Variants in TBL1XR1 observed in about 807,000 individuals in gnomAD.
TBL1XR1 encodes F-box-like/WD repeat-containing protein TBL1XR1.
Under a neutral mutation model 66.9 loss-of-function variants are expected in TBL1XR1, and 5 were observed. The observed-to-expected ratio is 0.07, with a 90% CI of 0.04 to 0.16. TBL1XR1 has a LOEUF of 0.16. Among genes scored for constraint, TBL1XR1 ranks in the 10% least tolerant of loss-of-function variants. TBL1XR1 has a pLI of 1.00. For synonymous variants in TBL1XR1, 210 were observed against 206.0 expected, an observed-to-expected ratio of 1.02 and a Z score of -0.17; for missense variants, 238 against 623.2, an observed-to-expected ratio of 0.38 and a Z score of 6.58.
chr3:177,052,907 A>G (rs1717291082), intron 4 of TBL1XR1, among the ~76,000 whole-genome samples: 1 of 152,088 alleles, frequency 6.6e-6, no homozygotes, highest in African/African-American at 2.4e-5. Context: ...AGTCAAGACC[A>G]GCCTGGCCAA....
intron 1 of TBL1XR1, among the ~76,000 whole-genome samples, chr3:177,101,687 A>G (rs577472447): frequency 1.3e-5 from 2 of 152,326 alleles, no homozygotes; most frequent in South Asian, 2.1e-4. Flanking sequence ...CTCTGGAACT[A>G]TAAGAAATCA....
intron 1 of TBL1XR1, among the ~76,000 whole-genome samples, chr3:177,176,417 G>A (rs1203212594): frequency 1.3e-5 from 2 of 151,384 alleles, no homozygotes; most frequent in South Asian, 2.1e-4. Flanking sequence ...GGCTGGTCTC[G>A]AACTCCTGAC....
At chr3:177,027,384 C>T (rs1447097394) in intron 14 of TBL1XR1, 4 of 152,182 alleles carry the variant, frequency 2.6e-5, no homozygotes, top group Non-Finnish European at 4.4e-5. Context: ...ATTCATTAAG[C>T]TGAATCATAA....
intron 10 of TBL1XR1, among the ~76,000 whole-genome samples, chr3:177,039,778 G>A (rs193197639): frequency 1.6e-4 from 25 of 152,296 alleles, no homozygotes; most frequent in Non-Finnish European, 2.9e-4. Flanking sequence ...AATGGGGGAG[G>A]AGGGGATCAA....
At chr3:177,041,145 G>T (rs2108449451) in intron 10 of TBL1XR1, 1 of 152,270 alleles carries the variant, frequency 6.6e-6, no homozygotes, top group South Asian at 2.1e-4. Flanking sequence ...GCTTTAGCTG[G>T]TGTTTGCTCT....
chr3:177,142,586 G>A (rs573010959), intron 1 of TBL1XR1, among the ~76,000 whole-genome samples: 30 of 152,162 alleles, frequency 2.0e-4, no homozygotes, highest in Admixed American at 3.9e-4. Flanking sequence ...GTCAAGTCCC[G>A]TCTCCTACCT....
chr3:177,198,893 C>CAT (rs372499451), upstream of TBL1XR1, among the ~76,000 whole-genome samples: 1 of 150,738 alleles, frequency 6.6e-6, no homozygotes, highest in Non-Finnish European at 1.5e-5. Context: ...CACACACACA[C>CAT]ACACACACAC....
At chr3:177,025,753 G>C (rs940126672) in intron 15 of TBL1XR1, among the ~76,000 whole-genome samples, 1 of 152,190 alleles carries the variant, frequency 6.6e-6, no homozygotes, top group Middle Eastern at 3.4e-3. Context: ...ACCACGGCTA[G>C]GATTTTTATA....
chr3:177,106,568 C>G (rs1054004290), intron 1 of TBL1XR1, among the ~76,000 whole-genome samples: 9 of 152,190 alleles, frequency 5.9e-5, no homozygotes, highest in African/African-American at 2.2e-4. Context: ...CTGGCTCTGA[C>G]TCTTAGTAAC....
chr3:177,069,747 A>G (rs1719639572), intron 2 of TBL1XR1, among the ~76,000 whole-genome samples: 1 of 148,024 alleles, frequency 6.8e-6, no homozygotes, highest in Admixed American at 6.9e-5. Flanking sequence ...GAAAGAAAAG[A>G]AAGAAAGGAA....
chr3:177,051,987 G>T (rs190486948), intron 4 of TBL1XR1, among the ~76,000 whole-genome samples: 2 of 152,226 alleles, frequency 1.3e-5, no homozygotes, highest in Non-Finnish European at 2.9e-5. Context: ...AAATGAAAGA[G>T]ATAATAAGAT....
chr3:177,181,243 G>A (rs1294939337), intron 1 of TBL1XR1, among the ~76,000 whole-genome samples: 1 of 152,070 alleles, frequency 6.6e-6, no homozygotes, highest in Non-Finnish European at 1.5e-5. Flanking sequence ...ACTCTGGGAG[G>A]CCACGGTGGG....
chr3:177,060,884 AATC>A (rs1242152269), intron 3 of TBL1XR1, among the ~76,000 whole-genome samples: 2 of 152,272 alleles, frequency 1.3e-5, no homozygotes, highest in Non-Finnish European at 2.9e-5. Context: ...AATACTTTTG[AATC>A]AAGTTAATCG....
chr3:177,088,011 T>C (rs1240107455), intron 2 of TBL1XR1, among the ~76,000 whole-genome samples: 1 of 152,236 alleles, frequency 6.6e-6, no homozygotes, highest in Non-Finnish European at 1.5e-5. Flanking sequence ...ATTGTGGGTA[T>C]ATGTCCTTGC....
chr3:177,095,427 CA>C (rs746860458), intron 2 of TBL1XR1, among the ~76,000 whole-genome samples: 12 of 150,552 alleles, frequency 8.0e-5, no homozygotes, highest in African/African-American at 2.9e-4. Context: ...GAGATAATTA[CA>C]AAAAAGTATT....
intron 10 of TBL1XR1, chr3:177,044,897 G>A (rs1716113768): frequency 1.3e-5 from 2 of 152,186 alleles, no homozygotes; most frequent in South Asian, 2.1e-4. Context: ...TTACTCCTAG[G>A]ATGTACGAGA....
At chr3:177,193,355 G>C (rs1462275348) in intron 1 of TBL1XR1, among the ~76,000 whole-genome samples, 1 of 151,748 alleles carries the variant, frequency 6.6e-6, no homozygotes, top group African/African-American at 2.4e-5. Context: ...CTATCGCCCA[G>C]GCTGGAGTGC....
Position 177,187,943 on chromosome 3 carries a change from CTTT to C in TBL1XR1, c.-122+9175_-122+9177del, listed in dbSNP as rs571361204. Among the ~76,000 whole-genome samples the C allele has an allele frequency of 3.7e-3, 288 of 77,756 alleles. 2 individuals carry two copies. Among genetic ancestry groups the C allele is most frequent in the South Asian group, 7.2e-3 (14 of 1,944 alleles). 51.0% of individuals were successfully genotyped at this position (77,756 alleles called of 152,430 possible). A position where few individuals can be genotyped will look rare whatever the true frequency, so the allele number is the denominator to read the frequency against. On this transcript the variant is annotated intron_variant, in intron 1 of 15. Coordinates refer to ENST00000457928, the MANE Select transcript of TBL1XR1 (RefSeq NM_024665.7). ...GCTTGAGAGTCCAGAGTACAATTTC[CTTT>C]TTTTTTTTTTTTTTTTTTTTTGAGA... is the stretch of plus-strand genomic sequence containing the variant.
chr3:177,138,627 T>G (rs1352283849), intron 1 of TBL1XR1, among the ~76,000 whole-genome samples: 3 of 151,960 alleles, frequency 2.0e-5, no homozygotes, highest in African/African-American at 4.8e-5. Flanking sequence ...AAGTGGGCAT[T>G]GTTGCCAGGT....
Sources: allele counts gnomAD v4.1 joint callset (sites outside exome capture counted in the v4.1 genomes callset), GRCh38; gene constraint gnomAD v4.1.1; transcripts MANE v1.5; gene names NCBI Gene and HGNC (gene_info 2026-07-23, HGNC 2026-07-21).